Variants in SVOPL observed in about 807,000 individuals in gnomAD.
The protein encoded by SVOPL is putative transporter SVOPL.
A neutral mutation model predicts 61.0 loss-of-function variants in SVOPL; 60 were observed. The ratio of observed to expected loss-of-function variants is 0.98; its 90% confidence interval spans 0.80 to 1.22. The LOEUF is 1.22. Ranked by LOEUF, SVOPL falls within the 50% of genes most tolerant of loss-of-function variation. The pLI is 0.00. For missense variants in SVOPL, 662 were observed against 643.9 expected, an observed-to-expected ratio of 1.03 and a Z score of -0.30; for synonymous variants, 279 against 250.0, an observed-to-expected ratio of 1.12 and a Z score of -1.09.
chr7:138,621,235 G>C (rs1799553098), intron 13 of SVOPL, 100 bp from the exon 14 acceptor site: 4 of 870,524 alleles, frequency 4.6e-6, no homozygotes, highest in Non-Finnish European at 7.0e-6. Flanking sequence ...GGAATGCATA[G>C]AGCACCAAAC....
chr7:138,689,059 A>G (rs977205516), intron 1 of SVOPL: 5 of 725,784 alleles, frequency 6.9e-6, no homozygotes, highest in Non-Finnish European at 1.3e-5. Context: ...GTTCACTTTA[A>G]GAACACTCAT....
intron 4 of SVOPL, among the ~76,000 whole-genome samples, chr7:138,669,658 G>A (rs1362864621): frequency 1.3e-5 from 2 of 152,104 alleles, no homozygotes; most frequent in African/African-American, 4.8e-5. Flanking sequence ...ACTCCTCCCT[G>A]GTTCATTCAT....
chr7:138,699,808 C>G (rs1803150212), intron 1 of SVOPL, among the ~76,000 whole-genome samples: 1 of 152,198 alleles, frequency 6.6e-6, no homozygotes, highest in African/African-American at 2.4e-5. Flanking sequence ...GCCACCGGAA[C>G]AGCGTTCAGT....
chr7:138,659,737 T>A, intron 6 of SVOPL, 127 bp downstream of exon 6: 1 of 981,838 alleles, frequency 1.0e-6, no homozygotes, highest in South Asian at 1.8e-5. Context: ...ACTTTCTAAA[T>A]GGACTGAAAC....
chr7:138,639,309 A>G (rs933220613), intron 9 of SVOPL, among the ~76,000 whole-genome samples: 1 of 151,208 alleles, frequency 6.6e-6, no homozygotes, highest in Non-Finnish European at 1.5e-5. Flanking sequence ...ATGCCAGGAG[A>G]AGTAAGTGGG....
intron 3 of SVOPL, among the ~76,000 whole-genome samples, chr7:138,677,015 T>G (rs1349532308): frequency 6.6e-6 from 1 of 150,476 alleles, no homozygotes; most frequent in Non-Finnish European, 1.5e-5. Flanking sequence ...GCCATTCTCC[T>G]GCCTCAGCCT....
At chr7:138,688,293 G>A (rs1802865751) in intron 1 of SVOPL, among the ~76,000 whole-genome samples, 1 of 150,438 alleles carries the variant, frequency 6.6e-6, no homozygotes, top group African/African-American at 2.4e-5. Context: ...TTTTGAGACA[G>A]AGTTTCACTC....
At chr7:138,652,743 G>A (rs1437098645) in intron 7 of SVOPL, among the ~76,000 whole-genome samples, 3 of 151,978 alleles carry the variant, frequency 2.0e-5, no homozygotes, top group Non-Finnish European at 4.4e-5. Context: ...TCCTGCCTCA[G>A]TCTCCCAAGT....
At position 138,660,214 on chromosome 7, in the gene SVOPL, C is replaced by T. The variant is rs1415673239; in HGVS notation, c.346-226G>A. ...AAGTTCAGACCATTCTTTAAAACTACCATGCTGTGCCCACCCTCATGGGTG... is the reference window on the plus strand; with the variant it reads ...AAGTTCAGACCATTCTTTAAAACTATCATGCTGTGCCCACCCTCATGGGTG... On this transcript the variant is annotated intron_variant, in intron 5 of 15. Transcript: ENST00000674285. 1.3e-5 allele frequency: 16 copies of T among 1,277,644 alleles called. No homozygotes were observed. In the South Asian group the frequency reaches 2.2e-4, roughly 17 times the overall value. The allele number at this position is 1,277,644 out of a possible 1,614,324, so 79.1% of individuals were successfully genotyped here.
chr7:138,611,497 A>G (rs956023096), intron 14 of SVOPL, among the ~76,000 whole-genome samples: 7 of 152,222 alleles, frequency 4.6e-5, no homozygotes, highest in African/African-American at 7.2e-5. Flanking sequence ...CAGTTTCTCA[A>G]TAAGTTCATG....
chr7:138,675,148 C>G (rs568993256), intron 3 of SVOPL, among the ~76,000 whole-genome samples: 60 of 151,890 alleles, frequency 4.0e-4, no homozygotes, highest in Admixed American at 9.9e-4. Flanking sequence ...AGCCTATAAT[C>G]CCAGCACTTT....
At position 138,665,497 on chromosome 7, in the gene SVOPL, T is replaced by A. The variant is rs28694831; in HGVS notation, c.274-2352A>T. Among the ~76,000 whole-genome samples, 266 of 152,148 alleles carry A rather than the reference T, an allele frequency of 1.7e-3. 1 individual carries two copies. Among genetic ancestry groups the A allele is most frequent in the African/African-American group, 6.2e-3 (257 of 41,534 alleles). ...CTGCTTAGAGAGAAGTCTTCTGAGC[T>A]GTGATGGCCTAATGAGGGAGATTGT... is the stretch of plus-strand genomic sequence containing the variant. On this transcript the variant is annotated intron_variant, in intron 4 of 15. Transcript: ENST00000674285.
intron 8 of SVOPL, among the ~76,000 whole-genome samples, chr7:138,647,847 CAA>C (rs33996391): frequency 0.015 from 1,497 of 102,700 alleles, 7 homozygotes; most frequent in African/African-American, 0.024. Flanking sequence ...GACTCCGTTT[CAA>C]AAAAAAAAAA....
chr7:138,597,302 G>T, intron 14 of SVOPL: 1 of 1,139,836 alleles, frequency 8.8e-7, no homozygotes, highest in Non-Finnish European at 1.2e-6. Flanking sequence ...AAACTATCTG[G>T]CTGAATACAA....
chr7:138,618,167 A>G (rs1452686734), intron 14 of SVOPL, among the ~76,000 whole-genome samples: 1 of 152,234 alleles, frequency 6.6e-6, no homozygotes, highest in African/African-American at 2.4e-5. Flanking sequence ...AATACTTTCC[A>G]AAGTTAAATT....
intron 14 of SVOPL, among the ~76,000 whole-genome samples, chr7:138,601,414 G>T (rs1327220549): frequency 2.0e-5 from 3 of 152,046 alleles, no homozygotes; most frequent in Non-Finnish European, 4.4e-5. Flanking sequence ...TACAATGAAA[G>T]AAGAGTCCGC....
chr7:138,661,500 C>T, intron 5 of SVOPL: 6 of 982,936 alleles, frequency 6.1e-6, no homozygotes, highest in Non-Finnish European at 6.0e-6. Context: ...CGCACCCATG[C>T]CCAGGGTAAT....
chr7:138,610,193 C>T (rs759930492), intron 14 of SVOPL, among the ~76,000 whole-genome samples: 2 of 152,074 alleles, frequency 1.3e-5, no homozygotes, highest in African/African-American at 4.8e-5. Context: ...CTACAACATA[C>T]GAACAAAAGA....
chr7:138,642,701 G>A (rs369478468), intron 9 of SVOPL, among the ~76,000 whole-genome samples: 6 of 151,332 alleles, frequency 4.0e-5, no homozygotes, highest in Non-Finnish European at 5.9e-5. Flanking sequence ...TTGGTGGCTC[G>A]CACTGATAGT....
Sources: gnomAD v4.1 joint callset for allele counts (sites outside exome capture counted in the v4.1 genomes callset) on GRCh38, gnomAD v4.1.1 for gene constraint, MANE v1.5 for transcripts, NCBI Gene and HGNC (gene_info 2026-07-23, HGNC 2026-07-21) for gene names.